The following MAN1A1 variants were observed in gnomAD, a reference collection of about 807,000 sequenced individuals.
The protein encoded by MAN1A1 is mannosidase alpha class 1A member 1.
Under a neutral mutation model 70.8 loss-of-function variants are expected in MAN1A1, and 29 were observed. The observed-to-expected ratio is 0.41, with a 90% CI of 0.31 to 0.56. The LOEUF (loss-of-function observed/expected upper bound fraction) is 0.56. MAN1A1 is among the 20% of genes least tolerant of loss of function. MAN1A1 has a pLI of 0.29. For synonymous variants in MAN1A1, 349 were observed against 330.1 expected (o/e 1.06, Z -0.62); for missense variants, 747 against 841.3 (o/e 0.89, Z 1.39).
rs575897300 is a variant in MAN1A1, at chr6:119,235,692, G to C, written c.992+12568C>G. ...TTCAATGTAGATGAAACAGCCTTCT[G>C]CTGGAAGAAGATGCCATCTAGGATT... is the stretch of plus-strand genomic sequence containing the variant. On this transcript the variant is annotated intron_variant, in intron 6 of 12. Coordinates refer to ENST00000368468, the MANE Select transcript of MAN1A1 (RefSeq NM_005907.4). 1.5e-3 allele frequency among the ~76,000 whole-genome samples: 227 copies of C among 152,336 alleles called. 1 individual carries two copies. Among genetic ancestry groups the C allele is most frequent in the African/African-American group, 5.4e-3 (226 of 41,594 alleles).
chr6:119,342,090 T>C (rs936282351), intron 2 of MAN1A1, among the ~76,000 whole-genome samples: 69 of 152,336 alleles, frequency 4.5e-4, no homozygotes, highest in African/African-American at 1.6e-3. Flanking sequence ...TAACATATAT[T>C]CTGAAGAAGC....
chr6:119,293,969 C>A (rs1409432056), intron 4 of MAN1A1, among the ~76,000 whole-genome samples: 1 of 152,052 alleles, frequency 6.6e-6, no homozygotes, highest in Non-Finnish European at 1.5e-5. Context: ...TACACAATAG[C>A]TGGTAACGCA....
intron 6 of MAN1A1, among the ~76,000 whole-genome samples, chr6:119,247,892 G>A (rs1321843258): frequency 6.6e-6 from 1 of 152,136 alleles, no homozygotes; most frequent in African/African-American, 2.4e-5. Context: ...CTTAAATAAA[G>A]GTTCTTAGGA....
intron 8 of MAN1A1, among the ~76,000 whole-genome samples, chr6:119,199,799 C>G (rs539845350): frequency 1.3e-5 from 2 of 151,750 alleles, no homozygotes; most frequent in African/African-American, 4.8e-5. Context: ...GTAGTCCCAG[C>G]TACTCGGGGC....
At chr6:119,326,457 C>A (rs1038830430) in intron 2 of MAN1A1, among the ~76,000 whole-genome samples, 1 of 152,238 alleles carries the variant, frequency 6.6e-6, no homozygotes, top group African/African-American at 2.4e-5. Flanking sequence ...GGAGTATGCA[C>A]CTGTGCCCTA....
chr6:119,271,586 G>A (rs556753629), intron 5 of MAN1A1, among the ~76,000 whole-genome samples: 11 of 151,720 alleles, frequency 7.3e-5, no homozygotes, highest in East Asian at 1.9e-4. Flanking sequence ...TGCAACCTCC[G>A]CCTCCTGGGT....
intron 6 of MAN1A1, among the ~76,000 whole-genome samples, chr6:119,213,283 C>T (rs969223332): frequency 3.3e-5 from 5 of 152,156 alleles, no homozygotes; most frequent in African/African-American, 1.2e-4. Flanking sequence ...CAAACAGATG[C>T]TGAAGAATAA....
intron 6 of MAN1A1, among the ~76,000 whole-genome samples, chr6:119,241,948 ATGTGTGTGTGTGTGT>A (rs1775020599): frequency 3.8e-5 from 1 of 26,326 alleles, no homozygotes; most frequent in Non-Finnish European, 1.4e-4. Flanking sequence ...GTGTGTATGT[ATGTGTGTGTGTGTGT>A]GTGTGTGTGT....
chr6:119,251,380 T>C (rs1207326324), intron 5 of MAN1A1, among the ~76,000 whole-genome samples: 2 of 152,108 alleles, frequency 1.3e-5, no homozygotes, highest in Non-Finnish European at 2.9e-5. Flanking sequence ...TGAGTCTTCA[T>C]GGTCTTAAGT....
chr6:119,235,532 T>C (rs1774818436), intron 6 of MAN1A1, among the ~76,000 whole-genome samples: 1 of 151,964 alleles, frequency 6.6e-6, no homozygotes, highest in South Asian at 2.1e-4. Flanking sequence ...CTAGCAGAGG[T>C]TGGTTCATGA....
intron 3 of MAN1A1, among the ~76,000 whole-genome samples, chr6:119,302,598 T>C (rs1772420735): frequency 6.6e-6 from 1 of 152,046 alleles, no homozygotes; most frequent in African/African-American, 2.4e-5. Context: ...GCCAGAATGG[T>C]CTCAATCTCT....
chr6:119,272,960 G>C (rs1357588249), intron 5 of MAN1A1, among the ~76,000 whole-genome samples: 1 of 151,952 alleles, frequency 6.6e-6, no homozygotes, highest in East Asian at 1.9e-4. Context: ...CTTCTAAGAT[G>C]GAAATCTATA....
intron 2 of MAN1A1, among the ~76,000 whole-genome samples, chr6:119,326,854 G>A (rs1773159688): frequency 6.6e-6 from 1 of 152,120 alleles, no homozygotes; most frequent in African/African-American, 2.4e-5. Flanking sequence ...ATGAGATATG[G>A]GTGAGGACAC....
chr6:119,227,812 G>A (rs1562200982), intron 6 of MAN1A1, among the ~76,000 whole-genome samples: 1 of 151,916 alleles, frequency 6.6e-6, no homozygotes, highest in African/African-American at 2.4e-5. Flanking sequence ...TGTTAACATC[G>A]GATTGAAATT....
chr6:119,303,738 A>C (rs1772455929), intron 3 of MAN1A1, among the ~76,000 whole-genome samples: 1 of 152,184 alleles, frequency 6.6e-6, no homozygotes, highest in Non-Finnish European at 1.5e-5. Flanking sequence ...TTGATATGTC[A>C]GCCGCACTCC....
chr6:119,287,988 A>C (rs1776424129), intron 5 of MAN1A1, among the ~76,000 whole-genome samples: 1 of 152,048 alleles, frequency 6.6e-6, no homozygotes, highest in Non-Finnish European at 1.5e-5. Flanking sequence ...AAAATATTTT[A>C]ACTGAGCTAC....
intron 11 of MAN1A1, among the ~76,000 whole-genome samples, chr6:119,185,316 G>A (rs1379928918): frequency 6.6e-6 from 1 of 152,170 alleles, no homozygotes; most frequent in Non-Finnish European, 1.5e-5. Context: ...ACTCTCTAGT[G>A]TTGTACTGCT....
chr6:119,181,197 C>T (rs575938043), intron 11 of MAN1A1, among the ~76,000 whole-genome samples: 144 of 152,288 alleles, frequency 9.5e-4, no homozygotes, highest in African/African-American at 3.4e-3. Context: ...GTCCCCCAAG[C>T]CTGATATTGT....
At chr6:119,297,795 T>C (rs1337151743) in intron 4 of MAN1A1, among the ~76,000 whole-genome samples, 1 of 119,684 alleles carries the variant, frequency 8.4e-6, no homozygotes, top group African/African-American at 3.2e-5. Context: ...GCTGGAGTTT[T>C]TTTGTTTTGT....
Sources: gnomAD v4.1 joint callset for allele counts (sites outside exome capture counted in the v4.1 genomes callset) on GRCh38, gnomAD v4.1.1 for gene constraint, MANE v1.5 for transcripts, NCBI Gene and HGNC (gene_info 2026-07-23, HGNC 2026-07-21) for gene names.